PABIR2: variants seen among roughly 807,000 people sequenced by gnomAD.
The protein encoded by PABIR2 is PABIR family member 2.
Under a neutral mutation model 22.8 loss-of-function variants are expected in PABIR2, and 7 were observed. That is an observed-to-expected ratio of 0.31 (90% CI 0.17 to 0.58). The LOEUF is 0.58. Among genes scored for constraint, PABIR2 ranks in the 20% least tolerant of loss-of-function variants. The probability of loss-of-function intolerance (pLI) is 0.89; values close to 1 mark genes in which losing one functional copy is unlikely to be tolerated. For synonymous variants in PABIR2, 67 were observed against 73.8 expected, an observed-to-expected ratio of 0.91 and a Z score of 0.47; for missense variants, 155 against 205.1, an observed-to-expected ratio of 0.76 and a Z score of 1.49.
intron 1 of PABIR2, chrX:134,794,117 G>T: frequency 1.7e-6 from 1 of 600,004 alleles, no homozygotes; most frequent in Non-Finnish European, 2.0e-6. Context: ...CTCAGTGGTC[G>T]GGGGGCAGCT....
intron 2 of PABIR2, chrX:134,791,590 T>C (rs1379496249): frequency 3.1e-6 from 1 of 325,323 alleles, no homozygotes; most frequent in African/African-American, 2.7e-5. Flanking sequence ...AGAGAGGAGA[T>C]GATAGACCGA....
chrX:134,789,428 C>G (rs370642731), intron 3 of PABIR2, 152 bp downstream of exon 3: 1 of 830,372 alleles, frequency 1.2e-6, no homozygotes, highest in Admixed American at 2.6e-5. Context: ...ACATTCATGC[C>G]GCTTGTATAT....
rs1246080322 is a variant in PABIR2, at chrX:134,777,885, G to GTT, written c.659+3934_659+3935dup. Among the ~76,000 whole-genome samples the GTT allele has an allele frequency of 4.6e-3, 367 of 80,098 alleles. 7 individuals carry two copies. The highest frequency in any genetic ancestry group is 0.014 in the African/African-American group (265 of 19,594). 69.6% of individuals were successfully genotyped at this position (80,098 alleles called of 115,157 possible). ...GATCCAGTTTTTGTTTGTTTGGTTG[G>GTT]TTTTTTTTTTTTTTTTTTTTTTGAG... is the stretch of plus-strand genomic sequence containing the variant. On this transcript the variant is annotated intron_variant, in intron 9 of 9. Transcript: ENST00000343004.
intron 9 of PABIR2, among the ~76,000 whole-genome samples, chrX:134,773,413 TAATA>T (rs958949755): frequency 2.7e-5 from 3 of 110,368 alleles, no homozygotes; most frequent in Admixed American, 9.9e-5. Context: ...ATAATCATGC[TAATA>T]AATATATAAT....
intron 6 of PABIR2, among the ~76,000 whole-genome samples, chrX:134,788,016 CTAAA>C (rs1333868694): frequency 3.7e-4 from 39 of 106,203 alleles, no homozygotes; most frequent in African/African-American, 1.3e-3. Flanking sequence ...TGTCTCATAA[CTAAA>C]TTACATATAT....
At chrX:134,788,887 C>A (rs1319995556) in intron 5 of PABIR2, 56 bp from the exon 6 acceptor site, 2 of 1,077,104 alleles carry the variant, frequency 1.9e-6, no homozygotes, top group Admixed American at 4.8e-5. Context: ...ACAGCTCTTA[C>A]TTACTACTAT....
intron 2 of PABIR2, 80 bp downstream of exon 2, chrX:134,793,735 C>G: frequency 1.9e-6 from 2 of 1,031,667 alleles, no homozygotes; most frequent in Non-Finnish European, 2.7e-6. Context: ...TTGTGCATAG[C>G]ACATCATTTT....
In PABIR2 at chrX:134,778,222, G is replaced by A. The variant is rs187795085; in HGVS notation, c.659+3599C>T. Among the ~76,000 whole-genome samples, 18 of 102,070 alleles carry A rather than the reference G, an allele frequency of 1.8e-4. No homozygotes were observed. The East Asian group carries it at 5.1e-3, about 29-fold the overall frequency. 88.6% of individuals were successfully genotyped at this position (102,070 alleles called of 115,157 possible). On this transcript the variant is annotated intron_variant, in intron 9 of 9. Coordinates refer to ENST00000343004, the MANE Select transcript of PABIR2 (RefSeq NM_001387468.1). Reference sequence around the variant, plus strand: ...ATCCAGTTTTTATATAAAAAAAATCGGGCCGGGCGTGGTGGCTCACGCCTG... The same window carrying A: ...ATCCAGTTTTTATATAAAAAAAATCAGGCCGGGCGTGGTGGCTCACGCCTG...
Position 134,788,719 on chromosome X carries a change from A to G in PABIR2, c.435+11T>C, listed in dbSNP as rs2079455424. On this transcript the variant is annotated intron_variant, in intron 6 of 9. Transcript: ENST00000343004. ...TGTGAAATACACTTAATATCTTGTC[A>G]GTTATCCTACCTTTCCGAATCCCCT... The G allele has an allele frequency of 8.4e-7, 1 of 1,191,461 alleles. No homozygotes were observed. Among genetic ancestry groups the G allele is most frequent in the African/African-American group, 1.7e-5 (1 of 57,156 alleles).
intron 9 of PABIR2, 100 bp downstream of exon 9, chrX:134,781,721 C>CA (rs199568894): frequency 3.3e-4 from 172 of 518,177 alleles, no homozygotes; most frequent in Non-Finnish European, 3.8e-4. Context: ...TAACAAAATT[C>CA]AAAAAAAAAT....
chrX:134,790,946 C>T (rs1297648678), intron 2 of PABIR2, among the ~76,000 whole-genome samples: 1 of 111,782 alleles, frequency 8.9e-6, no homozygotes, highest in Non-Finnish European at 1.9e-5. Flanking sequence ...GAAGACTCTC[C>T]AACAGGAGAC....
rs191481552 is a variant in PABIR2, at chrX:134,770,684, C to T, written c.*1455G>A. The T allele has an allele frequency of 4.4e-5, 5 of 112,882 alleles. No homozygotes were observed. The East Asian group carries it at 8.3e-4, about 19-fold the overall frequency. The allele number at this position is 112,882 out of a possible 1,213,427, so 9.3% of individuals were successfully genotyped here. On this transcript the variant is annotated 3_prime_UTR_variant, in exon 10 of 10. Transcript: ENST00000343004. ...AGACAACCCAACCACAGTATCTGAA[C>T]GTTAAAAGAAATCTATCACGACAGA...
intron 2 of PABIR2, among the ~76,000 whole-genome samples, chrX:134,790,832 A>G (rs1250563549): frequency 5.3e-5 from 6 of 112,701 alleles, no homozygotes; most frequent in South Asian, 7.2e-4. Context: ...TTGGCCCTCC[A>G]AAGTGCTGGG....
chrX:134,788,486 A>G (rs950054815), intron 6 of PABIR2, among the ~76,000 whole-genome samples: 11 of 106,693 alleles, frequency 1.0e-4, no homozygotes, highest in South Asian at 3.8e-4. Context: ...TACGTTATAT[A>G]TGTAATATAT....
chrX:134,789,308 A>T lies in PABIR2; in HGVS notation c.235-42T>A, dbSNP rs557056064. 2.5e-6 allele frequency: 3 copies of T among 1,193,540 alleles called. No homozygotes were observed. The Admixed American group carries it at 6.5e-5, about 26-fold the overall frequency. Reference sequence around the variant, plus strand: ...ATATGCTAAAAAGGCAGGATCACTGACAAAATATTAACTCTTCCACACACT... The same window carrying T: ...ATATGCTAAAAAGGCAGGATCACTGTCAAAATATTAACTCTTCCACACACT... On this transcript the variant is annotated intron_variant, in intron 3 of 9. Transcript: ENST00000343004.
chrX:134,795,742 G>C (rs1449984136), intron 1 of PABIR2, among the ~76,000 whole-genome samples: 1 of 112,178 alleles, frequency 8.9e-6, no homozygotes, highest in Non-Finnish European at 1.9e-5. Context: ...CTTAGAAATA[G>C]CAGCTCTGAG....
intron 9 of PABIR2, among the ~76,000 whole-genome samples, chrX:134,777,209 T>C (rs1054976626): frequency 6.2e-5 from 7 of 112,383 alleles, no homozygotes; most frequent in Non-Finnish European, 1.3e-4. Flanking sequence ...GAACATCTGA[T>C]TCTGATTAAT....
In PABIR2 at chrX:134,796,250, T is replaced by C; in HGVS notation, c.-45A>G. On this transcript the variant is annotated 5_prime_UTR_variant, in exon 1 of 10. Transcript: ENST00000343004. The stretch of plus-strand genomic sequence containing the variant: ...ACAGCGGGCAGTGCTCAGCTCCTGG[T>C]GCTTAGCTATGGACTCCCAAGACTC... The C allele has an allele frequency of 3.8e-6, 4 of 1,051,800 alleles. No individual in the cohort carries two copies. Among genetic ancestry groups the C allele is most frequent in the Non-Finnish European group, 5.3e-6 (4 of 760,150 alleles). 86.7% of individuals were successfully genotyped at this position (1,051,800 alleles called of 1,213,427 possible). A position where few individuals can be genotyped will look rare whatever the true frequency, so the allele number is the denominator to read the frequency against.
rs947677591 is a variant in PABIR2, at chrX:134,796,879, G to A, written c.-674C>T. 1 of 111,853 alleles carries A rather than the reference G, an allele frequency of 8.9e-6. No homozygotes were observed. The highest frequency in any genetic ancestry group is 1.9e-5 in the Non-Finnish European group (1 of 52,995). 9.2% of individuals were successfully genotyped at this position (111,853 alleles called of 1,213,427 possible). On this transcript the variant is annotated 5_prime_UTR_variant, in exon 1 of 10. Transcript: ENST00000343004. ...CTGACAGTCGGGTAGGACCCGGCCG[G>A]GCGGCCTTGGCGGCTCCAGCTCCCC...
Sources: allele counts gnomAD v4.1 joint callset (sites outside exome capture counted in the v4.1 genomes callset), GRCh38; gene constraint gnomAD v4.1.1; transcripts MANE v1.5; gene names NCBI Gene and HGNC (gene_info 2026-07-23, HGNC 2026-07-21).